Variants in CHTF18 observed in about 807,000 individuals in gnomAD.
CHTF18 encodes chromosome transmission fidelity factor 18.
CHTF18 carries 151 observed loss-of-function variants against 113.4 expected under a neutral mutation model. The ratio of observed to expected loss-of-function variants is 1.33; its 90% CI spans 1.17 to 1.52. The LOEUF is 1.52. Ranked by LOEUF, CHTF18 falls within the 40% of genes most tolerant of loss-of-function variation. CHTF18 has a pLI of 0.00. For missense variants in CHTF18, 1,982 were observed against 1,381.6 expected (o/e 1.43, Z -6.89); for synonymous variants, 916 against 598.8 (o/e 1.53, Z -7.74).
rs952556626 is a variant in CHTF18, at chr16:788,980, A to C, written c.141A>C (p.Arg47=). 7 of 1,560,950 alleles carry C rather than the reference A, an allele frequency of 4.5e-6. 1 individual carries two copies. The Admixed American group carries it at 5.4e-5, about 12-fold the overall frequency. ...PSGVPLFTAG[R]PPRTFEEALA... is the part of the protein sequence containing the mutation. Reference sequence around the variant, plus strand: ...GGGTCCCCCTGTTCACCGCGGGCCGACCCCCGCGGACGTTCGAGGAGGCCC... The same window carrying C: ...GGGTCCCCCTGTTCACCGCGGGCCGCCCCCCGCGGACGTTCGAGGAGGCCC... Residue 47 remains arginine, a synonymous_variant, in exon 2 of 22, where the codon CGA becomes CGC. Transcript: ENST00000262315.
Position 795,804 on chromosome 16 carries a change from C to G in CHTF18, c.2295C>G (p.Leu765=), listed in dbSNP as rs780566524. 1.7e-5 allele frequency: 27 copies of G among 1,609,976 alleles called. No individual in the cohort carries two copies. In the South Asian group the frequency reaches 3.0e-4, roughly 18 times the overall value. Residue 765 remains leucine (L), a synonymous_variant, in exon 17 of 22, where the codon CTC becomes CTG. Transcript: ENST00000262315. ...QALLLDALCL[L]LDILAPKLRP... ...TGCTCCTCGATGCCCTCTGCCTGCT[C>G]CTGGACATTCTTGCACCCAAGCTCC...
chr16:797,014 A>AG lies in CHTF18; in HGVS notation c.2659dup (p.Val887GlyfsTer10). On this transcript the variant is annotated frameshift_variant, in exon 20 of 22. Coordinates refer to ENST00000262315, the MANE Select transcript of CHTF18 (RefSeq NM_022092.3). LOFTEE classifies it high-confidence loss of function. ...GTCTGCTGGGGGGCATTGGGGAGAA[A>AG]GGGGTGCACCGACCTGCCCCACGCA... The AG allele has an allele frequency of 6.4e-7, 1 of 1,554,014 alleles. No individual in the cohort carries two copies. The highest frequency in any genetic ancestry group is 8.7e-7 in the Non-Finnish European group (1 of 1,149,340).
rs748346175 is a variant in CHTF18, at chr16:795,786, C to T, written c.2277C>T (p.Leu759=). Residue 759 remains leucine, a synonymous_variant, in exon 17 of 22, where the codon CTC becomes CTT. Coordinates refer to ENST00000262315, the MANE Select transcript of CHTF18 (RefSeq NM_022092.3). ...GGGCCACGCCCCAGGCCCTGCTCCT[C>T]GATGCCCTCTGCCTGCTCCTGGACA... ...RSRATPQALL[L]DALCLLLDIL... is the part of the protein sequence containing the mutation. The T allele has an allele frequency of 6.1e-5, 99 of 1,609,802 alleles. No homozygotes were observed. Among genetic ancestry groups the T allele is most frequent in the African/African-American group, 8.1e-5 (6 of 74,380 alleles).
rs551979289 is a variant in CHTF18, at chr16:790,544, G to A, written c.772G>A (p.Glu258Lys). The A allele has an allele frequency of 4.3e-5, 69 of 1,598,886 alleles. No individual in the cohort carries two copies. The East Asian group carries it at 1.4e-3, about 32-fold the overall frequency. The change falls in exon 7 of 22, where the codon GAG becomes AAG. Residue 258 changes from glutamate to lysine, a missense_variant. Transcript: ENST00000262315. ...CTCCAGTCTCAGGTCGGGGGAGGAG[G>A]AGGCAGCCCAGCCCTTGGGGGCCCC... ...TLHSLRSGEE[E>K]AAQPLGAPEE...
chr16:793,831 G>A, intron 14 of CHTF18: 1 of 638,798 alleles, frequency 1.6e-6, no homozygotes, highest in Non-Finnish European at 2.8e-6. Context: ...GTCAGGGCAG[G>A]GCTCCTCTCA....
intron 15 of CHTF18, 155 bp from the exon 16 acceptor site, chr16:794,977 G>A (rs1022269067): frequency 8.0e-6 from 5 of 626,798 alleles, no homozygotes; most frequent in East Asian, 2.8e-5. Flanking sequence ...TGCCTCAGAC[G>A]CCCAGCGTCG....
In CHTF18 at chr16:795,835, G is replaced by C. The variant is rs1184876519; in HGVS notation, c.2325+1G>C. The C allele has an allele frequency of 2.5e-6, 4 of 1,608,800 alleles. No homozygotes were observed. Among genetic ancestry groups the C allele is most frequent in the Non-Finnish European group, 3.4e-6 (4 of 1,178,156 alleles). Reference sequence around the variant, plus strand: ...CATTCTTGCACCCAAGCTCCGCCCCGTGAGTGCCGTCCCCGGGGTGGGGGA... The same window carrying C: ...CATTCTTGCACCCAAGCTCCGCCCCCTGAGTGCCGTCCCCGGGGTGGGGGA... On this transcript the variant is annotated splice_donor_variant, in intron 17 of 21. Coordinates refer to ENST00000262315, the MANE Select transcript of CHTF18 (RefSeq NM_022092.3). LOFTEE classifies it high-confidence loss of function.
Position 791,312 on chromosome 16 carries a change from A to G in CHTF18, c.1046A>G (p.Gln349Arg). 1.2e-6 allele frequency: 2 copies of G among 1,610,432 alleles called. No individual in the cohort carries two copies. Among genetic ancestry groups the G allele is most frequent in the East Asian group, 2.2e-5 (1 of 44,850 alleles). ...CCAGGCAAGTGGAAGAGCCACGAAC[A>G]GGTGCTGGAGGAGATGCTGGAGGCT... Reference protein sequence around the residue: ...TAPGKWKSHEQVLEEMLEAGL... With the variant: ...TAPGKWKSHERVLEEMLEAGL... Residue 349 changes from glutamine (Q) to arginine (R), a missense_variant, in exon 8 of 22, where the codon CAG (glutamine) becomes CGG (arginine). Coordinates refer to ENST00000262315, the MANE Select transcript of CHTF18 (RefSeq NM_022092.3).
chr16:791,816 G>C, intron 8 of CHTF18, 35 bp from the exon 9 acceptor site: 8 of 1,570,400 alleles, frequency 5.1e-6, no homozygotes, highest in Non-Finnish European at 6.0e-6. Flanking sequence ...CTGTAGGTGC[G>C]GTGCACACTA....
chr16:789,775 T>C, intron 4 of CHTF18, 60 bp downstream of exon 4: 1 of 1,487,622 alleles, frequency 6.7e-7, no homozygotes, highest in Non-Finnish European at 8.9e-7. Context: ...GAAAGGGTCC[T>C]TGGAGCCCCT....
Position 795,201 on chromosome 16 carries a change from G to T in CHTF18, c.2020G>T (p.Asp674Tyr), listed in dbSNP as rs868114535. 1.3e-6 allele frequency: 2 copies of T among 1,557,322 alleles called. No homozygotes were observed. The highest frequency in any genetic ancestry group is 1.2e-5 in the South Asian group (1 of 84,756). ...CCTGGGTGCTGTGTGTGTGGCCCTC[G>T]ACTGGCTGGCCTTCGATGACCTGCT... is the stretch of plus-strand genomic sequence containing the variant. ...SSLGAVCVAL[D>Y]WLAFDDLLAG... The change falls in exon 16 of 22, where the codon GAC becomes TAC. Residue 674 changes from aspartate (D) to tyrosine (Y), a missense_variant. Coordinates refer to ENST00000262315, the MANE Select transcript of CHTF18 (RefSeq NM_022092.3).
intron 14 of CHTF18, 185 bp from the exon 15 acceptor site, chr16:793,869 G>A (rs1405227740): frequency 6.0e-6 from 4 of 670,274 alleles, no homozygotes; most frequent in African/African-American, 3.6e-5. Flanking sequence ...TTAAGGGAAT[G>A]TTTCAGGGGG....
rs778954286 is a variant in CHTF18 at position 790,181 on chromosome 16, C to G, written c.611C>G (p.Ser204Cys). ...ATTGTCCTCCCTTCCCCACAGGGCTCTCTCCTCCACGTCCCATGGCGAGGC... is the reference window on the plus strand; with the variant it reads ...ATTGTCCTCCCTTCCCCACAGGGCTGTCTCCTCCACGTCCCATGGCGAGGC... The part of the protein sequence containing the change: ...ADPMAPGVQG[S>C]LLHVPWRGGG... The change falls in exon 5 of 22, where the codon TCT becomes TGT. Residue 204 changes from serine to cysteine, a missense_variant. By Grantham distance (112) the Ser-to-Cys change is moderately radical. Coordinates refer to ENST00000262315, the MANE Select transcript of CHTF18 (RefSeq NM_022092.3). The G allele has an allele frequency of 3.1e-6, 5 of 1,595,930 alleles. No homozygotes were observed. The South Asian group carries it at 4.5e-5, about 14-fold the overall frequency.
At position 791,958 on chromosome 16, in the gene CHTF18, G is replaced by A. The variant is rs181010716; in HGVS notation, c.1202+10G>A. The A allele has an allele frequency of 1.9e-6, 3 of 1,602,116 alleles. No individual in the cohort carries two copies. The highest frequency in any genetic ancestry group is 2.3e-5 in the East Asian group (1 of 44,408). ...TGGAGATGAACGCCAGGTGAGTGATGTGAGGTCCGTCTCTGGCTCGCCTTC... is the reference window on the plus strand; with the variant it reads ...TGGAGATGAACGCCAGGTGAGTGATATGAGGTCCGTCTCTGGCTCGCCTTC... On this transcript the variant is annotated intron_variant, in intron 9 of 21. Coordinates refer to ENST00000262315, the MANE Select transcript of CHTF18 (RefSeq NM_022092.3).
At position 796,738 on chromosome 16, in the gene CHTF18, C is replaced by T. The variant is rs373953677; in HGVS notation, c.2478C>T (p.Arg826=). ...GCAGGAACGTGGAGGAACTCTGCCG[C>T]TTCCCTGAGCTGCCTGCCCGCAAGC... The part of the protein sequence containing the change: ...RLEPNVEELC[R]FPELPARKPL... The change falls in exon 19 of 22, where the codon CGC becomes CGT. Residue 826 remains arginine (R), a synonymous_variant. Transcript: ENST00000262315. 2.1e-5 allele frequency: 34 copies of T among 1,603,702 alleles called. 2 individuals are homozygous for T. In the African/African-American group the frequency reaches 3.1e-4, roughly 14 times the overall value.
intron 18 of CHTF18, 103 bp downstream of exon 18, chr16:796,180 G>C: frequency 6.9e-7 from 1 of 1,440,916 alleles, no homozygotes; most frequent in Non-Finnish European, 9.3e-7. Flanking sequence ...CACGGTCATG[G>C]CGTCTGGGGG....
intron 4 of CHTF18, 151 bp downstream of exon 4, chr16:789,866 CT>C: frequency 7.5e-7 from 1 of 1,331,844 alleles, no homozygotes; most frequent in Non-Finnish European, 1.0e-6. Flanking sequence ...GGGGCGTAGA[CT>C]TAGAGGACAC....
At chr16:793,680 C>A in intron 14 of CHTF18, 1 of 592,022 alleles carries the variant, frequency 1.7e-6, no homozygotes, top group Non-Finnish European at 3.1e-6. Context: ...TGTCTCTGTC[C>A]TGACGTGCCA....
chr16:788,695 A>C lies in CHTF18; in HGVS notation c.11A>C (p.Tyr4Ser). ...GGGCTCGCGGACGGTATGGAGGACT[A>C]CGAGCAGGAGCTGTGCGGCGTCGAG... is the stretch of plus-strand genomic sequence containing the variant. MED[Y>S]EQELCGVEDD... The change falls in exon 1 of 22, where the codon TAC (tyrosine) becomes TCC (serine). Residue 4 changes from tyrosine to serine, a missense_variant. Physicochemically the swap from Tyr to Ser is moderately radical, Grantham distance 144. Transcript: ENST00000262315. 6.3e-7 allele frequency: 1 copy of C among 1,594,400 alleles called. No individual in the cohort carries two copies. The highest frequency in any genetic ancestry group is 1.7e-4 in the Middle Eastern group (1 of 6,022).
Sources: gnomAD v4.1 joint callset for allele counts on GRCh38, gnomAD v4.1.1 for gene constraint, MANE v1.5 for transcripts, NCBI Gene and HGNC (gene_info 2026-07-23, HGNC 2026-07-21) for gene names.